SVEP1: variants seen among roughly 807,000 people sequenced by gnomAD.
SVEP1 encodes the protein sushi, von Willebrand factor type A, EGF and pentraxin domain-containing protein 1.
A neutral mutation model predicts 367.3 loss-of-function variants in SVEP1; 164 were observed. That is an observed-to-expected ratio of 0.45 (90% CI 0.39 to 0.51). The LOEUF (loss-of-function observed/expected upper bound fraction) is 0.51. Among genes scored for constraint, SVEP1 ranks in the 20% least tolerant of loss-of-function variants. The pLI is 0.00. For synonymous variants in SVEP1, 1,666 were observed against 1,611.6 expected (o/e 1.03, Z -0.81); for missense variants, 4,117 against 4,425.3 (o/e 0.93, Z 1.98).
At chr9:110,469,125 C>A in intron 16 of SVEP1, 24 bp from the exon 17 acceptor site, 1 of 1,602,364 alleles carries the variant, frequency 6.2e-7, no homozygotes, top group South Asian at 1.1e-5. Flanking sequence ...AAACAGGAAA[C>A]ACTGAATAAA....
At chr9:110,499,375 AT>A in intron 6 of SVEP1, 137 bp from the exon 7 acceptor site, 2 of 731,998 alleles carry the variant, frequency 2.7e-6, no homozygotes, top group Non-Finnish European at 4.3e-6. Flanking sequence ...TATATATGAC[AT>A]TGAATGTATA....
At chr9:110,418,797 G>C (rs1383219681) in intron 36 of SVEP1, among the ~76,000 whole-genome samples, 4 of 104,908 alleles carry the variant, frequency 3.8e-5, no homozygotes, top group African/African-American at 1.4e-4. Context: ...CCAGAAGAGA[G>C]TGGGGGCCAA....
chr9:110,391,831 A>C (rs530046660), intron 40 of SVEP1, among the ~76,000 whole-genome samples: 43 of 152,184 alleles, frequency 2.8e-4, no homozygotes, highest in African/African-American at 9.9e-4. Flanking sequence ...CATTTAAATT[A>C]GTAGATCATG....
chr9:110,408,518 A>G lies in SVEP1; in HGVS notation c.7082T>C (p.Leu2361Pro), dbSNP rs779651125. The change falls in exon 38 of 48, where the codon CTG becomes CCG. Residue 2361 changes from leucine to proline, a missense_variant. Leu to Pro is a moderately conservative substitution (Grantham distance 98). This residue lies in a region of SVEP1 where 1,765 missense variants were observed against 1,781.1 expected (regional missense o/e 0.99). Coordinates refer to ENST00000374469, the MANE Select transcript of SVEP1 (RefSeq NM_153366.4). ...EGHVLQGPSV[L>P]KCLPSQQWND... ...CCATTGCTGGGATGGCAAGCATTTC[A>G]GGACAGAGGGGCCTTGCAGGACATG... The G allele has an allele frequency of 6.2e-7, 1 of 1,613,958 alleles. No homozygotes were observed. The highest frequency in any genetic ancestry group is 8.5e-7 in the Non-Finnish European group (1 of 1,179,876).
intron 1 of SVEP1, among the ~76,000 whole-genome samples, chr9:110,571,424 T>A (rs758652788): frequency 6.6e-6 from 1 of 152,164 alleles, no homozygotes; most frequent in African/African-American, 2.4e-5. Context: ...TCTGTCCTTT[T>A]CTCCTTCTTG....
At chr9:110,435,480 G>A in intron 28 of SVEP1, 116 bp from the exon 29 acceptor site, 2 of 1,211,976 alleles carry the variant, frequency 1.7e-6, no homozygotes, top group Non-Finnish European at 2.3e-6. Flanking sequence ...TGGGGGTGGA[G>A]GGAAGCAGGT....
chr9:110,443,625 G>T lies in SVEP1; in HGVS notation c.4559C>A (p.Ala1520Asp). 1 of 1,613,268 alleles carries T rather than the reference G, an allele frequency of 6.2e-7. No homozygotes were observed. The highest frequency in any genetic ancestry group is 8.5e-7 in the Non-Finnish European group (1 of 1,179,622). ...WHHIAITWTS[A>D]NGIWKVYIDG... ...GATATAGACTTTCCAGATGCCATTG[G>T]CACTTGTCCAAGTGATTGCAATATG... The change falls in exon 27 of 48, where the codon GCC becomes GAC. Residue 1520 changes from alanine to aspartate, a missense_variant. By Grantham distance (126) the Ala-to-Asp change is moderately radical. Around this residue, in one of 4 missense-constraint regions of SVEP1, gnomAD observed 2,174 missense variants for 2,494.3 expected, o/e 0.87. Coordinates refer to ENST00000374469, the MANE Select transcript of SVEP1 (RefSeq NM_153366.4).
At chr9:110,453,445 T>C (rs1828727366) in intron 22 of SVEP1, among the ~76,000 whole-genome samples, 1 of 152,188 alleles carries the variant, frequency 6.6e-6, no homozygotes, top group South Asian at 2.1e-4. Flanking sequence ...TCTTAAGATA[T>C]ACACTTAGAG....
At chr9:110,456,625 T>C (rs537808259) in intron 21 of SVEP1, among the ~76,000 whole-genome samples, 1 of 152,330 alleles carries the variant, frequency 6.6e-6, no homozygotes, top group South Asian at 2.1e-4. Context: ...GTTGGTTGTA[T>C]AACATTGAAA....
intron 1 of SVEP1, among the ~76,000 whole-genome samples, chr9:110,562,270 T>C (rs1020814187): frequency 2.7e-5 from 4 of 150,068 alleles, no homozygotes; most frequent in African/African-American, 2.4e-5. Context: ...CAAATGAAAA[T>C]TGGAGGCTAA....
At chr9:110,431,151 T>C (rs1828344258) in intron 32 of SVEP1, among the ~76,000 whole-genome samples, 1 of 152,198 alleles carries the variant, frequency 6.6e-6, no homozygotes, top group South Asian at 2.1e-4. Context: ...AGCATAAAGA[T>C]GTATGTCCAA....
chr9:110,408,714 G>C lies in SVEP1; in HGVS notation c.6886C>G (p.Leu2296Val). ...VQFFCNEGYE[L>V]VGDSSWTCQK... is the part of the protein sequence containing the mutation. Reference sequence around the variant, plus strand: ...CATGTCCAAGAACTGTCACCAACAAGCTCATAACCCTCATTACAGAAAAAC... The same window carrying C: ...CATGTCCAAGAACTGTCACCAACAACCTCATAACCCTCATTACAGAAAAAC... Residue 2296 changes from leucine to valine, a missense_variant, in exon 38 of 48, where the codon CTT becomes GTT. Coordinates refer to ENST00000374469, the MANE Select transcript of SVEP1 (RefSeq NM_153366.4). 6.2e-7 allele frequency: 1 copy of C among 1,613,934 alleles called. No individual in the cohort carries two copies. The highest frequency in any genetic ancestry group is 8.5e-7 in the Non-Finnish European group (1 of 1,179,898).
At chr9:110,571,395 C>T (rs954212356) in intron 1 of SVEP1, among the ~76,000 whole-genome samples, 1 of 152,154 alleles carries the variant, frequency 6.6e-6, no homozygotes, top group African/African-American at 2.4e-5. Flanking sequence ...CACAGAGTCT[C>T]CTTAAGAGCG....
rs114608756 is a variant in SVEP1 at position 110,478,262 on chromosome 9, C to T, written c.2487+1373G>A. Among the ~76,000 whole-genome samples the T allele has an allele frequency of 4.2e-3, 646 of 152,280 alleles. 6 individuals carry two copies. The highest frequency in any genetic ancestry group is 9.4e-3 in the African/African-American group (391 of 41,552). On this transcript the variant is annotated intron_variant, in intron 13 of 47. Transcript: ENST00000374469. ...CTGCTTTATTTTATTCCATAGCATA[C>T]GCCATCTGACATGCTACATATTTTC...
chr9:110,404,383 A>G lies in SVEP1; in HGVS notation c.9610T>C (p.Ser3204Pro), dbSNP rs745694007. The change falls in exon 39 of 48, where the codon TCT (serine) becomes CCT (proline). Residue 3204 changes from serine (S) to proline (P), a missense_variant. Transcript: ENST00000374469. ...GDDFSVNRQV[S>P]VSCAEGYTFE... ...GTATACCCTTCTGCACATGACACAG[A>G]AACTTGCCTATTCACACTGAAATCG... 7.1e-5 allele frequency: 114 copies of G among 1,613,894 alleles called. No individual in the cohort carries two copies. The highest frequency in any genetic ancestry group is 9.1e-5 in the Non-Finnish European group (107 of 1,179,900).
chr9:110,566,099 G>C (rs1401371155), intron 1 of SVEP1, among the ~76,000 whole-genome samples: 1 of 151,938 alleles, frequency 6.6e-6, no homozygotes, highest in Non-Finnish European at 1.5e-5. Flanking sequence ...CAGGTAGGTT[G>C]CTTGAGCCAG....
At chr9:110,384,235 G>T (rs138381027) in intron 43 of SVEP1, among the ~76,000 whole-genome samples, 264 of 152,268 alleles carry the variant, frequency 1.7e-3, no homozygotes, top group African/African-American at 6.1e-3. Flanking sequence ...TCCTGAGTGG[G>T]GTAGCACAAT....
chr9:110,388,919 AG>A (rs1277998838), intron 41 of SVEP1, among the ~76,000 whole-genome samples: 7 of 151,748 alleles, frequency 4.6e-5, no homozygotes, highest in African/African-American at 1.7e-4. Flanking sequence ...CAGTGAGCTG[AG>A]GTTGCACTAC....
intron 5 of SVEP1, among the ~76,000 whole-genome samples, chr9:110,509,853 T>C (rs111962565): frequency 0.014 from 2,127 of 152,344 alleles, 27 homozygotes; most frequent in Non-Finnish European, 0.018. Flanking sequence ...TCATAATGAA[T>C]TTGGTTTAGC....
Sources: allele counts gnomAD v4.1 joint callset (sites outside exome capture counted in the v4.1 genomes callset), GRCh38; gene constraint gnomAD v4.1.1; regional missense constraint gnomAD v4.1.1; transcripts MANE v1.5; gene names NCBI Gene and HGNC (gene_info 2026-07-23, HGNC 2026-07-21).